SOAT1: variants seen among roughly 807,000 people sequenced by gnomAD.
SOAT1 encodes the protein acyl-coenzyme A:cholesterol acyltransferase 1.
SOAT1 carries 55 observed loss-of-function variants against 69.5 expected under a neutral mutation model. The observed-to-expected ratio is 0.79, with a 90% CI of 0.64 to 0.99. The LOEUF (loss-of-function observed/expected upper bound fraction) is 0.99, where lower values mean the gene tolerates loss of function less well. Among genes scored for constraint, SOAT1 ranks in the 50% least tolerant of loss-of-function variants. The pLI is 0.00. For synonymous variants in SOAT1, 231 were observed against 224.7 expected (o/e 1.03, Z -0.25); for missense variants, 580 against 669.3 (o/e 0.87, Z 1.47).
intron 1 of SOAT1, among the ~76,000 whole-genome samples, chr1:179,296,215 T>G (rs1004555925): frequency 1.3e-4 from 19 of 151,884 alleles, no homozygotes; most frequent in African/African-American, 4.6e-4. Flanking sequence ...ATGATCGGTC[T>G]GCCTCGGCCT....
chr1:179,327,909 G>C (rs970996312), intron 3 of SOAT1, among the ~76,000 whole-genome samples: 3 of 152,168 alleles, frequency 2.0e-5, no homozygotes, highest in African/African-American at 7.2e-5. Flanking sequence ...GTTAAAAAAG[G>C]TTTTCAGTAT....
chr1:179,343,927 C>T (rs1325421301), intron 10 of SOAT1, among the ~76,000 whole-genome samples: 5 of 152,076 alleles, frequency 3.3e-5, no homozygotes, highest in Admixed American at 2.0e-4. Context: ...TCAAGACCAG[C>T]CTGGCCAACA....
At chr1:179,296,715 A>C (rs2124927138) in intron 1 of SOAT1, among the ~76,000 whole-genome samples, 1 of 152,290 alleles carries the variant, frequency 6.6e-6, no homozygotes, top group Non-Finnish European at 1.5e-5. Context: ...TCCACCACTG[A>C]ATCTAAGGGT....
intron 4 of SOAT1, among the ~76,000 whole-genome samples, chr1:179,336,779 G>A (rs1666172602): frequency 6.6e-6 from 1 of 151,972 alleles, no homozygotes; most frequent in Non-Finnish European, 1.5e-5. Context: ...GGTGGATCAC[G>A]AGGTCAGAAG....
chr1:179,329,639 C>G (rs1020144920), intron 3 of SOAT1, among the ~76,000 whole-genome samples: 2 of 151,118 alleles, frequency 1.3e-5, no homozygotes, highest in Admixed American at 6.6e-5. Flanking sequence ...CATTTGAACC[C>G]AGGAGGTGGA....
intron 1 of SOAT1, among the ~76,000 whole-genome samples, chr1:179,302,298 A>G (rs1664857399): frequency 6.6e-6 from 1 of 152,158 alleles, no homozygotes; most frequent in Non-Finnish European, 1.5e-5. Flanking sequence ...AAGCTGATAT[A>G]TTGGTTTGCT....
intron 4 of SOAT1, 61 bp downstream of exon 4, chr1:179,335,718 A>G (rs1485731547): frequency 9.5e-6 from 14 of 1,468,722 alleles, no homozygotes; most frequent in Non-Finnish European, 1.2e-5. Context: ...AATGGTGAAA[A>G]TGGACTGCGG....
Position 179,356,316 on chromosome 1 carries a change from G to A in SOAT1, c.*2675G>A, listed in dbSNP as rs1253077212. ...GACCTTCTAGTACCTTTATGTGTGA[G>A]GATAAATTTGTTAGATCCTTTTATT... On this transcript the variant is annotated 3_prime_UTR_variant, in exon 16 of 16. Coordinates refer to ENST00000367619, the MANE Select transcript of SOAT1 (RefSeq NM_003101.6). 1 of 152,040 alleles carries A rather than the reference G, an allele frequency of 6.6e-6. No homozygotes were observed. Among genetic ancestry groups the A allele is most frequent in the African/African-American group, 2.4e-5 (1 of 41,400 alleles). 9.4% of individuals were successfully genotyped at this position (152,040 alleles called of 1,614,324 possible). A position where few individuals can be genotyped will look rare whatever the true frequency, so the allele number is the denominator to read the frequency against.
At chr1:179,297,957 G>A (rs1664708611) in intron 1 of SOAT1, among the ~76,000 whole-genome samples, 2 of 150,078 alleles carry the variant, frequency 1.3e-5, no homozygotes, top group African/African-American at 2.5e-5. Context: ...AGCTGAGATC[G>A]TGCCATTGCA....
chr1:179,332,157 G>A (rs1665995881), intron 3 of SOAT1, among the ~76,000 whole-genome samples: 1 of 152,104 alleles, frequency 6.6e-6, no homozygotes, highest in Non-Finnish European at 1.5e-5. Flanking sequence ...GTAATACTCA[G>A]TCCAAAGTAA....
intron 12 of SOAT1, among the ~76,000 whole-genome samples, chr1:179,348,538 T>G (rs888333338): frequency 1.3e-5 from 2 of 152,146 alleles, no homozygotes; most frequent in African/African-American, 4.8e-5. Context: ...GATTGCTGTT[T>G]AGATGAACAT....
At chr1:179,345,481 A>G (rs1487421848) in intron 11 of SOAT1, among the ~76,000 whole-genome samples, 1 of 152,170 alleles carries the variant, frequency 6.6e-6, no homozygotes, top group Non-Finnish European at 1.5e-5. Flanking sequence ...ATTAAGATGT[A>G]CTTTACCCCT....
chr1:179,346,270 C>T (rs939617854), intron 11 of SOAT1, among the ~76,000 whole-genome samples: 2 of 152,158 alleles, frequency 1.3e-5, no homozygotes, highest in African/African-American at 4.8e-5. Context: ...TAGCCAATCA[C>T]AGTCTCTCTC....
chr1:179,299,206 C>T (rs183791667), intron 1 of SOAT1, among the ~76,000 whole-genome samples: 6 of 152,268 alleles, frequency 3.9e-5, no homozygotes, highest in Non-Finnish European at 5.9e-5. Context: ...GATTAGAGGG[C>T]AGGTTGTAGA....
chr1:179,304,542 T>C (rs1295909224), intron 2 of SOAT1, among the ~76,000 whole-genome samples: 1 of 152,036 alleles, frequency 6.6e-6, no homozygotes, highest in Non-Finnish European at 1.5e-5. Context: ...CCTCCCAAAG[T>C]GCTGGGATTA....
At chr1:179,345,180 T>C in intron 11 of SOAT1, 104 bp downstream of exon 11, 2 of 1,070,262 alleles carry the variant, frequency 1.9e-6, no homozygotes, top group South Asian at 2.8e-5. Context: ...CATCTAAACT[T>C]CTATACATCT....
intron 2 of SOAT1, among the ~76,000 whole-genome samples, chr1:179,303,702 GCT>G (rs1664911492): frequency 6.6e-6 from 1 of 152,122 alleles, no homozygotes; most frequent in Non-Finnish European, 1.5e-5. Context: ...CTCTTAGTTA[GCT>G]ATATATGACA....
intron 1 of SOAT1, among the ~76,000 whole-genome samples, chr1:179,296,075 C>G (rs1290725220): frequency 6.9e-6 from 1 of 145,560 alleles, no homozygotes; most frequent in Non-Finnish European, 1.5e-5. Flanking sequence ...CCCGCCTCAG[C>G]CTCCCAAAGT....
At position 179,301,044 on chromosome 1, in the gene SOAT1, G is replaced by A. The variant is rs576977006; in HGVS notation, c.-8-1633G>A. 1.2e-4 allele frequency among the ~76,000 whole-genome samples: 18 copies of A among 152,196 alleles called. No homozygotes were observed. The South Asian group carries it at 1.5e-3, about 12-fold the overall frequency. On this transcript the variant is annotated intron_variant, in intron 1 of 15. Coordinates refer to ENST00000367619, the MANE Select transcript of SOAT1 (RefSeq NM_003101.6). ...CAGGAGGCGGAGGTTGCAGTGAGCC[G>A]AGATTGCACCATTGCACTCCCACCT... is the stretch of plus-strand genomic sequence containing the variant.
Sources: gnomAD v4.1 joint callset for allele counts (sites outside exome capture counted in the v4.1 genomes callset) on GRCh38, gnomAD v4.1.1 for gene constraint, MANE v1.5 for transcripts, NCBI Gene and HGNC (gene_info 2026-07-23, HGNC 2026-07-21) for gene names.